Variants in GRID1 observed in about 807,000 individuals in gnomAD.
GRID1 encodes the protein glutamate ionotropic receptor delta type subunit 1.
A neutral mutation model predicts 98.0 loss-of-function variants in GRID1; 28 were observed. The observed-to-expected ratio is 0.29, with a 90% CI of 0.21 to 0.39. The LOEUF (loss-of-function observed/expected upper bound fraction) is 0.39. Ranked by LOEUF, GRID1 falls within the 10% of genes least tolerant of loss-of-function variation. GRID1 has a pLI of 1.00. For missense variants in GRID1, 1,111 were observed against 1,340.5 expected (o/e 0.83, Z 2.67); for synonymous variants, 553 against 538.5 (o/e 1.03, Z -0.37).
intron 2 of GRID1, among the ~76,000 whole-genome samples, chr10:86,309,805 A>T (rs1336830703): frequency 6.6e-6 from 1 of 152,196 alleles, no homozygotes; most frequent in Admixed American, 6.5e-5. Context: ...ATTAGCACAC[A>T]AAGGTTGTAC....
chr10:86,135,822 C>T (rs1160635889), intron 4 of GRID1, among the ~76,000 whole-genome samples: 1 of 152,240 alleles, frequency 6.6e-6, no homozygotes, highest in African/African-American at 2.4e-5. Context: ...TGCCATTTTG[C>T]AAAATGTAAA....
At chr10:85,998,079 GA>G (rs2131872789) in intron 4 of GRID1, among the ~76,000 whole-genome samples, 1 of 152,140 alleles carries the variant, frequency 6.6e-6, no homozygotes, top group African/African-American at 2.4e-5. Context: ...CTCAGCAATA[GA>G]TAGATTTAAT....
At chr10:86,232,460 G>A (rs995771588) in intron 2 of GRID1, among the ~76,000 whole-genome samples, 1 of 152,212 alleles carries the variant, frequency 6.6e-6, no homozygotes, top group Non-Finnish European at 1.5e-5. Context: ...AGTCAAGGCA[G>A]GAGTCGATAC....
chr10:86,260,254 GTGGATATTACTTCA>G (rs1245319684), intron 2 of GRID1, among the ~76,000 whole-genome samples: 3 of 152,200 alleles, frequency 2.0e-5, no homozygotes, highest in Non-Finnish European at 2.9e-5. Flanking sequence ...GCTACAGACT[GTGGATATTACTTCA>G]TGATAATACT....
chr10:85,646,795 A>AC lies in GRID1; in HGVS notation c.2193+406dup, dbSNP rs559611860. ...CCCGTATGCAGACTTCCTCAACCAGACCCCCAAGCTAACCACAGTGGGCCC... is the reference window on the plus strand; with the variant it reads ...CCCGTATGCAGACTTCCTCAACCAGACCCCCCAAGCTAACCACAGTGGGCCC... On this transcript the variant is annotated intron_variant, in intron 13 of 15. Coordinates refer to ENST00000327946, the MANE Select transcript of GRID1 (RefSeq NM_017551.3). 495 of 222,494 alleles carry AC rather than the reference A, an allele frequency of 2.2e-3. 4 individuals carry two copies. Among genetic ancestry groups the AC allele is most frequent in the African/African-American group, 0.011 (476 of 44,368 alleles). 13.8% of individuals were successfully genotyped at this position (222,494 alleles called of 1,614,324 possible). A position where few individuals can be genotyped will look rare whatever the true frequency, so the allele number is the denominator to read the frequency against.
intron 3 of GRID1, among the ~76,000 whole-genome samples, chr10:86,199,700 C>T (rs962424249): frequency 2.0e-5 from 3 of 152,124 alleles, no homozygotes; most frequent in East Asian, 1.9e-4. Context: ...GCTGGCATGA[C>T]GCCTGGGTCA....
chr10:86,209,099 A>G (rs1379505130), intron 2 of GRID1, among the ~76,000 whole-genome samples: 2 of 152,252 alleles, frequency 1.3e-5, no homozygotes, highest in Non-Finnish European at 2.9e-5. Context: ...TTATTTTATC[A>G]ATTAAATAAA....
chr10:86,015,622 G>T (rs1027050000), intron 4 of GRID1, among the ~76,000 whole-genome samples: 1 of 152,318 alleles, frequency 6.6e-6, no homozygotes, highest in African/African-American at 2.4e-5. Context: ...CAGCCCTACT[G>T]CTCAGCCCTA....
At chr10:85,743,564 A>G (rs1181911479) in intron 8 of GRID1, among the ~76,000 whole-genome samples, 1 of 152,196 alleles carries the variant, frequency 6.6e-6, no homozygotes, top group Non-Finnish European at 1.5e-5. Flanking sequence ...GAGAACCTTA[A>G]GGAGACTTTT....
chr10:86,087,685 G>C (rs183574160), intron 4 of GRID1, among the ~76,000 whole-genome samples: 1 of 152,080 alleles, frequency 6.6e-6, no homozygotes, highest in African/African-American at 2.4e-5. Context: ...ACACCCTTGG[G>C]TCCCTGTCCA....
intron 4 of GRID1, among the ~76,000 whole-genome samples, chr10:85,937,916 A>G (rs1841947990): frequency 6.6e-6 from 1 of 152,230 alleles, no homozygotes; most frequent in Non-Finnish European, 1.5e-5. Context: ...CAAAGTTGAC[A>G]CTAAATATCA....
intron 2 of GRID1, among the ~76,000 whole-genome samples, chr10:86,298,175 T>C (rs1421379547): frequency 6.6e-6 from 1 of 152,144 alleles, no homozygotes; most frequent in African/African-American, 2.4e-5. Context: ...TTAAATAAAT[T>C]AAAGAACATC....
intron 6 of GRID1, among the ~76,000 whole-genome samples, chr10:85,868,381 C>T (rs769715249): frequency 3.3e-5 from 5 of 152,180 alleles, no homozygotes; most frequent in Non-Finnish European, 7.4e-5. Flanking sequence ...AGCTCTCCAT[C>T]GTATTCCAAG....
At chr10:85,637,771 T>C (rs1413753530) in intron 13 of GRID1, among the ~76,000 whole-genome samples, 1 of 152,216 alleles carries the variant, frequency 6.6e-6, no homozygotes, top group Non-Finnish European at 1.5e-5. Context: ...TTATAAAATA[T>C]GTGTTCCTAA....
intron 12 of GRID1, among the ~76,000 whole-genome samples, chr10:85,662,534 C>T (rs1840977376): frequency 6.6e-6 from 1 of 152,208 alleles, no homozygotes; most frequent in Non-Finnish European, 1.5e-5. Context: ...TCCCCAGCTC[C>T]CTCCGTAATA....
chr10:86,123,681 G>A (rs536419436), intron 4 of GRID1, among the ~76,000 whole-genome samples: 5 of 152,264 alleles, frequency 3.3e-5, no homozygotes, highest in African/African-American at 4.8e-5. Context: ...CTGCTTCTCC[G>A]AATTCCCTGC....
At chr10:85,940,865 AGAG>A (rs1467156352) in intron 4 of GRID1, among the ~76,000 whole-genome samples, 3 of 152,218 alleles carry the variant, frequency 2.0e-5, no homozygotes, top group South Asian at 4.1e-4. Flanking sequence ...AGAACCTTGG[AGAG>A]GAGAAGAGAC....
At chr10:85,968,381 G>C (rs1842365120) in intron 4 of GRID1, among the ~76,000 whole-genome samples, 1 of 151,074 alleles carries the variant, frequency 6.6e-6, no homozygotes, top group Non-Finnish European at 1.5e-5. Flanking sequence ...AACCCGGGAG[G>C]CGGAGCTGGC....
intron 3 of GRID1, among the ~76,000 whole-genome samples, chr10:86,173,328 T>C (rs1845522303): frequency 6.6e-6 from 1 of 152,220 alleles, no homozygotes; most frequent in Non-Finnish European, 1.5e-5. Context: ...CATAAGCCAC[T>C]GCACCTGGCC....
Sources: gnomAD v4.1 joint callset for allele counts (sites outside exome capture counted in the v4.1 genomes callset) on GRCh38, gnomAD v4.1.1 for gene constraint, MANE v1.5 for transcripts, NCBI Gene and HGNC (gene_info 2026-07-23, HGNC 2026-07-21) for gene names.